The following ATOH8 variants were observed in gnomAD, a reference collection of about 807,000 sequenced individuals.
ATOH8 encodes the protein atonal bHLH transcription factor 8.
In ATOH8, 9 loss-of-function variants were observed where a neutral mutation model predicts 21.2. The observed-to-expected ratio is 0.42, with a 90% CI of 0.26 to 0.74. The LOEUF is 0.74. Ranked by LOEUF, ATOH8 falls within the 30% of genes least tolerant of loss-of-function variation. The probability of loss-of-function intolerance (pLI) is 0.24; values close to 1 mark genes in which losing one functional copy is unlikely to be tolerated. For synonymous variants in ATOH8, 253 were observed against 224.0 expected, an observed-to-expected ratio of 1.13 and a Z score of -1.16; for missense variants, 524 against 470.9, an observed-to-expected ratio of 1.11 and a Z score of -1.04.
At chr2:85,779,802 G>A (rs948091889) in intron 2 of ATOH8, among the ~76,000 whole-genome samples, 1 of 152,194 alleles carries the variant, frequency 6.6e-6, no homozygotes, top group East Asian at 1.9e-4. Flanking sequence ...AAAAGACAAC[G>A]CATGCAAACA....
chr2:85,774,621 G>T, intron 2 of ATOH8: 2 of 985,598 alleles, frequency 2.0e-6, no homozygotes, highest in Non-Finnish European at 2.4e-6. Context: ...CCTCCTGGCT[G>T]CTCTGCTGAA....
In ATOH8 at chr2:85,790,040, T is replaced by C. The variant is rs1680727000; in HGVS notation, c.*3150T>C. 6.6e-6 allele frequency among the ~76,000 whole-genome samples: 1 copy of C among 152,200 alleles called. No homozygotes were observed. The highest frequency in any genetic ancestry group is 1.5e-5 in the Non-Finnish European group (1 of 68,042). ...AGATAGATTCAGATTCCAACGGCAG[T>C]CTTCTAAACACTTTTATGCAAGCAG... On this transcript the variant is annotated 3_prime_UTR_variant, in exon 3 of 3. Transcript: ENST00000306279.
At chr2:85,764,444 TG>T (rs1267864087) in intron 2 of ATOH8, among the ~76,000 whole-genome samples, 1 of 152,196 alleles carries the variant, frequency 6.6e-6, no homozygotes, top group Non-Finnish European at 1.5e-5. Context: ...CTCACTTAAA[TG>T]AAGAGGACCA....
At chr2:85,756,603 C>T (rs570038460) in intron 1 of ATOH8, among the ~76,000 whole-genome samples, 12 of 152,264 alleles carry the variant, frequency 7.9e-5, no homozygotes, top group African/African-American at 2.6e-4. Context: ...TCTCATGTGC[C>T]CACTGACTTT....
rs1679633453 is a variant in ATOH8 at position 85,754,834 on chromosome 2, C to T, written c.645C>T (p.Gly215=). Residue 215 remains glycine (G), a synonymous_variant, in exon 1 of 3, where the codon GGC becomes GGT. Transcript: ENST00000306279. ...CCGCGTCGCCTAGGAAACGACCGGGCGAAGCGACTGCCGCCTCCTCCGAGA... is the reference window on the plus strand; with the variant it reads ...CCGCGTCGCCTAGGAAACGACCGGGTGAAGCGACTGCCGCCTCCTCCGAGA... ...DSSASPRKRP[G]EATAASSEIK... The T allele has an allele frequency of 6.2e-7, 1 of 1,612,490 alleles. No homozygotes were observed. Among genetic ancestry groups the T allele is most frequent in the African/African-American group, 1.3e-5 (1 of 74,936 alleles).
intron 1 of ATOH8, among the ~76,000 whole-genome samples, chr2:85,758,686 G>A (rs567158496): frequency 6.6e-6 from 1 of 152,338 alleles, no homozygotes; most frequent in South Asian, 2.1e-4. Context: ...GTGGGAGAGA[G>A]GCCCTCTGGT....
intron 2 of ATOH8, among the ~76,000 whole-genome samples, chr2:85,770,035 G>C (rs1269139042): frequency 1.3e-5 from 2 of 152,192 alleles, no homozygotes; most frequent in Non-Finnish European, 2.9e-5. Flanking sequence ...ACAGAGATTT[G>C]AAAGTCGCTC....
intron 2 of ATOH8, among the ~76,000 whole-genome samples, chr2:85,780,218 C>T (rs966894596): frequency 6.6e-6 from 1 of 152,200 alleles, no homozygotes; most frequent in African/African-American, 2.4e-5. Context: ...GGGCCTGCAA[C>T]ACTGTGGAGT....
rs373933851 is a variant in ATOH8 at position 85,754,264 on chromosome 2, G to A, written c.75G>A (p.Lys25=). 295 of 1,610,156 alleles carry A rather than the reference G, an allele frequency of 1.8e-4. 5 individuals carry two copies. In the East Asian group the frequency reaches 3.2e-3, roughly 17 times the overall value. Residue 25 remains lysine, a synonymous_variant, in exon 1 of 3, where the codon AAG becomes AAA. Transcript: ENST00000306279. Reference sequence around the variant, plus strand: ...TGAAGGAGCTGAACGGCCTTAAGAAGCTCAAGCGGAAAGGCAAGGAGCCGG... The same window carrying A: ...TGAAGGAGCTGAACGGCCTTAAGAAACTCAAGCGGAAAGGCAAGGAGCCGG... The part of the protein sequence containing the change: ...VCVKELNGLK[K]LKRKGKEPAR...
intron 2 of ATOH8, among the ~76,000 whole-genome samples, chr2:85,770,786 C>T (rs1230294541): frequency 6.6e-6 from 1 of 152,102 alleles, no homozygotes; most frequent in Admixed American, 6.5e-5. Flanking sequence ...CACTCTCTGC[C>T]CCTTTCCTCC....
At chr2:85,768,866 A>C (rs1328333110) in intron 2 of ATOH8, among the ~76,000 whole-genome samples, 2 of 152,186 alleles carry the variant, frequency 1.3e-5, no homozygotes, top group Non-Finnish European at 2.9e-5. Context: ...TGGAAGCCCC[A>C]GTAGTGCAGA....
In ATOH8 at chr2:85,754,753, G is replaced by C. The variant is rs747884754; in HGVS notation, c.564G>C (p.Gly188=). 6.2e-7 allele frequency: 1 copy of C among 1,612,816 alleles called. No individual in the cohort carries two copies. The highest frequency in any genetic ancestry group is 8.5e-7 in the Non-Finnish European group (1 of 1,179,812). The part of the protein sequence containing the change: ...TVRPAPPTRP[G]ESSYSSISHV... ...GCCCTGCGCCCCCGACGCGCCCCGGGGAAAGTTCCTACTCGTCAATTTCAC... is the reference window on the plus strand; with the variant it reads ...GCCCTGCGCCCCCGACGCGCCCCGGCGAAAGTTCCTACTCGTCAATTTCAC... Residue 188 remains glycine (G), a synonymous_variant, in exon 1 of 3, where the codon GGG becomes GGC. Coordinates refer to ENST00000306279, the MANE Select transcript of ATOH8 (RefSeq NM_032827.7).
rs564404954 is a variant in ATOH8 at position 85,785,966 on chromosome 2, G to A, written c.961-919G>A. On this transcript the variant is annotated intron_variant, in intron 2 of 2. Coordinates refer to ENST00000306279, the MANE Select transcript of ATOH8 (RefSeq NM_032827.7). The surrounding 1 kb of genome is among the most constrained non-coding windows in gnomAD (Gnocchi z 4.1). ...GGAGGTCTCACAGAGCCTCCCCACC[G>A]GCTCTGACCTCCCCAGAGAGCTAAA... Among the ~76,000 whole-genome samples the A allele has an allele frequency of 3.9e-5, 6 of 152,100 alleles. No individual in the cohort carries two copies. The highest frequency in any genetic ancestry group is 4.2e-4 in the South Asian group (2 of 4,814).
chr2:85,775,199 G>T (rs1401840804), intron 2 of ATOH8: 1 of 982,934 alleles, frequency 1.0e-6, no homozygotes, highest in African/African-American at 1.7e-5. Flanking sequence ...TTAAATGCCT[G>T]TGTCTCTGGC....
chr2:85,774,214 C>G, intron 2 of ATOH8: 2 of 985,554 alleles, frequency 2.0e-6, no homozygotes, highest in Non-Finnish European at 2.4e-6. Context: ...CTGTCCCCAG[C>G]CCCTGGTATG....
rs1030540659 is a variant in ATOH8, at chr2:85,787,426, G to A, written c.*536G>A. On this transcript the variant is annotated 3_prime_UTR_variant, in exon 3 of 3. Coordinates refer to ENST00000306279, the MANE Select transcript of ATOH8 (RefSeq NM_032827.7). ...TGGGCCTTGTGCTGGCTGAGTGCAA[G>A]ACAAGCCTTAGGGGCTGTGAGAGGG... 2 of 154,832 alleles carry A rather than the reference G, an allele frequency of 1.3e-5. No homozygotes were observed. The highest frequency in any genetic ancestry group is 2.9e-5 in the Non-Finnish European group (2 of 68,926). 9.6% of individuals were successfully genotyped at this position (154,832 alleles called of 1,614,324 possible). A position where few individuals can be genotyped will look rare whatever the true frequency, so the allele number is the denominator to read the frequency against.
In ATOH8 at chr2:85,754,746, G is replaced by C. The variant is rs749012044; in HGVS notation, c.557G>C (p.Arg186Pro). Reference sequence around the variant, plus strand: ...ACTGTGCGCCCTGCGCCCCCGACGCGCCCCGGGGAAAGTTCCTACTCGTCA... The same window carrying C: ...ACTGTGCGCCCTGCGCCCCCGACGCCCCCCGGGGAAAGTTCCTACTCGTCA... The part of the protein sequence containing the change: ...ESTVRPAPPT[R>P]PGESSYSSIS... Residue 186 changes from arginine (R) to proline (P), a missense_variant, in exon 1 of 3, where the codon CGC becomes CCC. By Grantham distance (103) the Arg-to-Pro change is moderately radical (BLOSUM62 -2). Transcript: ENST00000306279. The C allele has an allele frequency of 6.2e-7, 1 of 1,612,752 alleles. No individual in the cohort carries two copies. Among genetic ancestry groups the C allele is most frequent in the South Asian group, 1.1e-5 (1 of 91,084 alleles).
At position 85,754,791 on chromosome 2, in the gene ATOH8, A is replaced by G. The variant is rs768036689; in HGVS notation, c.602A>G (p.Asn201Ser). Reference protein sequence around the residue: ...SYSSISHVIYNNHQDSSASPR... With the variant: ...SYSSISHVIYSNHQDSSASPR... ...TCGTCAATTTCACACGTAATTTACA[A>G]TAACCACCAGGATTCCTCCGCGTCG... Residue 201 changes from asparagine (N) to serine (S), a missense_variant, in exon 1 of 3, where the codon AAT becomes AGT. Asn to Ser is a conservative substitution (Grantham distance 46). Transcript: ENST00000306279. 2 of 1,612,972 alleles carry G rather than the reference A, an allele frequency of 1.2e-6. No individual in the cohort carries two copies. Among genetic ancestry groups the G allele is most frequent in the East Asian group, 2.2e-5 (1 of 44,864 alleles).
Position 85,789,898 on chromosome 2 carries a change from T to G in ATOH8, c.*3008T>G, listed in dbSNP as rs889962303. Among the ~76,000 whole-genome samples, 1 of 152,120 alleles carries G rather than the reference T, an allele frequency of 6.6e-6. No individual in the cohort carries two copies. The stretch of plus-strand genomic sequence containing the variant: ...CATGCTCTCCTCTCCTTTCCCAGCT[T>G]CCTCTCCAGCACAGCAACTTGTGTT... On this transcript the variant is annotated 3_prime_UTR_variant, in exon 3 of 3. Coordinates refer to ENST00000306279, the MANE Select transcript of ATOH8 (RefSeq NM_032827.7).
Sources: allele counts gnomAD v4.1 joint callset (sites outside exome capture counted in the v4.1 genomes callset), GRCh38; gene constraint gnomAD v4.1.1; non-coding constraint Gnocchi (gnomAD v3.1); transcripts MANE v1.5; gene names NCBI Gene and HGNC (gene_info 2026-07-23, HGNC 2026-07-21).